The following NRCAM variants were observed in gnomAD, a reference collection of about 807,000 sequenced individuals.
NRCAM encodes NgCAM-related cell adhesion molecule.
A neutral mutation model predicts 156.5 loss-of-function variants in NRCAM; 83 were observed. The observed-to-expected ratio is 0.53, with a 90% CI of 0.44 to 0.64. The LOEUF (loss-of-function observed/expected upper bound fraction) is 0.64, where lower values mean the gene tolerates loss of function less well. NRCAM is among the 30% of genes least tolerant of loss of function. The pLI is 0.00. For missense variants in NRCAM, 1,417 were observed against 1,597.3 expected (o/e 0.89, Z 1.92); for synonymous variants, 538 against 563.9 (o/e 0.95, Z 0.65).
At chr7:108,268,644 GC>G (rs1180152803) in intron 3 of NRCAM, among the ~76,000 whole-genome samples, 24 of 129,880 alleles carry the variant, frequency 1.8e-4, no homozygotes, top group East Asian at 8.1e-4. Flanking sequence ...GTTGGGGGGG[GC>G]GGCGGTGGCG....
rs1354345934 is a variant in NRCAM at position 108,258,816 on chromosome 7, C to T, written c.-106-18646G>A. On this transcript the variant is annotated intron_variant, in intron 3 of 32. Transcript: ENST00000379028. The stretch of plus-strand genomic sequence containing the variant: ...TCTGATGTCCATGTTCACTGTTGTT[C>T]TCTCGACCCAGTCTGCTTTCTCCAC... Among the ~76,000 whole-genome samples, 5 of 152,204 alleles carry T rather than the reference C, an allele frequency of 3.3e-5. 1 individual carries two copies. The highest frequency in any genetic ancestry group is 4.1e-4 in the South Asian group (2 of 4,834).
intron 2 of NRCAM, among the ~76,000 whole-genome samples, chr7:108,357,396 C>T (rs546713076): frequency 2.7e-4 from 40 of 149,912 alleles, no homozygotes; most frequent in African/African-American, 9.6e-4. Flanking sequence ...TGCAATGGCA[C>T]GATCTCATCT....
At position 108,437,572 on chromosome 7, in the gene NRCAM, G is replaced by A. The variant is rs774199000; in HGVS notation, c.-332+18671C>T. On this transcript the variant is annotated intron_variant, in intron 1 of 32. Coordinates refer to ENST00000379028, the MANE Select transcript of NRCAM (RefSeq NM_001037132.4). ...AACTATACACACCTACTATGTAGCC[G>A]CAAAAATTAAAAATTTAAAAACAAA... Among the ~76,000 whole-genome samples, 7 of 151,906 alleles carry A rather than the reference G, an allele frequency of 4.6e-5. No homozygotes were observed. In the East Asian group the frequency reaches 7.7e-4, roughly 17 times the overall value.
chr7:108,335,452 T>TTTTTTA (rs2099171339), intron 2 of NRCAM, among the ~76,000 whole-genome samples: 1 of 145,558 alleles, frequency 6.9e-6, no homozygotes, highest in Non-Finnish European at 1.5e-5. Flanking sequence ...TTTTTTTTTT[T>TTTTTTA]TTTTTTTCAG....
At position 108,279,261 on chromosome 7, in the gene NRCAM, T is replaced by G. The variant is rs1591488226; in HGVS notation, c.-107+33404A>C. Among the ~76,000 whole-genome samples the G allele has an allele frequency of 2.0e-5, 3 of 152,316 alleles. No individual in the cohort carries two copies. The South Asian group carries it at 6.2e-4, about 32-fold the overall frequency. On this transcript the variant is annotated intron_variant, in intron 3 of 32. Coordinates refer to ENST00000379028, the MANE Select transcript of NRCAM (RefSeq NM_001037132.4). ...TGAGATTAATAATAGTTTTATCAATTTTATTTCCTTTGTTTTTATTTCCTG... is the reference window on the plus strand; with the variant it reads ...TGAGATTAATAATAGTTTTATCAATGTTATTTCCTTTGTTTTTATTTCCTG...
chr7:108,391,997 G>C (rs186157581), intron 2 of NRCAM, among the ~76,000 whole-genome samples: 24 of 152,298 alleles, frequency 1.6e-4, no homozygotes, highest in African/African-American at 5.5e-4. Context: ...CTCTCTGGCT[G>C]CCCTTAACCT....
At chr7:108,313,864 ACAACT>A (rs1171821840) in intron 2 of NRCAM, among the ~76,000 whole-genome samples, 8 of 152,336 alleles carry the variant, frequency 5.3e-5, no homozygotes, top group Admixed American at 2.6e-4. Context: ...ATCTACAATA[ACAACT>A]CAATTCAGCA....
Position 108,149,934 on chromosome 7 carries a change from G to A in NRCAM, c.3891C>T (p.Val1297=). The part of the protein sequence containing the change: ...GNESSEAPSP[V]NAMNSFV ...ATTAAACAAAGGAATTCATGGCGTT[G>A]ACAGGAGAAGGTGCCTCTGAGCTTT... The change falls in exon 33 of 33, where the codon GTC becomes GTT. Residue 1297 remains valine, a synonymous_variant. Transcript: ENST00000379028. 6.2e-7 allele frequency: 1 copy of A among 1,611,214 alleles called. No individual in the cohort carries two copies. Among genetic ancestry groups the A allele is most frequent in the Non-Finnish European group, 8.5e-7 (1 of 1,179,228 alleles).
intron 1 of NRCAM, among the ~76,000 whole-genome samples, chr7:108,444,377 T>C (rs1842173313): frequency 6.6e-6 from 1 of 152,020 alleles, no homozygotes; most frequent in Non-Finnish European, 1.5e-5. Context: ...TTCTCTTTTT[T>C]TTTGGTAAGA....
intron 11 of NRCAM, among the ~76,000 whole-genome samples, chr7:108,217,385 G>C (rs2089830792): frequency 6.6e-6 from 1 of 152,228 alleles, no homozygotes; most frequent in Non-Finnish European, 1.5e-5. Flanking sequence ...TCCCAGTCAG[G>C]AGGCACGGGG....
chr7:108,274,204 G>A (rs1415333694), intron 3 of NRCAM, among the ~76,000 whole-genome samples: 1 of 152,146 alleles, frequency 6.6e-6, no homozygotes, highest in East Asian at 1.9e-4. Context: ...TTTTGCTTAG[G>A]ATTGTCTTGG....
chr7:108,263,128 C>T (rs1231275022), intron 3 of NRCAM, among the ~76,000 whole-genome samples: 1 of 152,202 alleles, frequency 6.6e-6, no homozygotes, highest in Non-Finnish European at 1.5e-5. Flanking sequence ...CTACGGCCCC[C>T]ACAGGAACCA....
At chr7:108,199,818 A>G (rs2077006475) in intron 13 of NRCAM, among the ~76,000 whole-genome samples, 1 of 152,174 alleles carries the variant, frequency 6.6e-6, no homozygotes, top group South Asian at 2.1e-4. Context: ...CATAGTTTCT[A>G]GGGATTGGGA....
intron 1 of NRCAM, among the ~76,000 whole-genome samples, chr7:108,421,872 G>A (rs1179230725): frequency 6.6e-6 from 1 of 152,216 alleles, no homozygotes; most frequent in Non-Finnish European, 1.5e-5. Context: ...GACCTGCCCT[G>A]TGGAGATTAA....
At position 108,252,525 on chromosome 7, in the gene NRCAM, A is replaced by G. The variant is rs1452882675; in HGVS notation, c.-106-12355T>C. On this transcript the variant is annotated intron_variant, in intron 3 of 32. Transcript: ENST00000379028. ...TTCTATTCTATTCACATGTACTCCC[A>G]AACCTAAAATAAAAGTTAAAAAAAT... Among the ~76,000 whole-genome samples the G allele has an allele frequency of 2.0e-5, 3 of 152,338 alleles. No individual in the cohort carries two copies. The East Asian group carries it at 5.8e-4, about 29-fold the overall frequency.
At chr7:108,350,482 TA>T (rs1401579852) in intron 2 of NRCAM, among the ~76,000 whole-genome samples, 3 of 152,234 alleles carry the variant, frequency 2.0e-5, no homozygotes, top group African/African-American at 7.2e-5. Context: ...GCAGTTTGTA[TA>T]TAAATATCCC....
At chr7:108,444,799 T>TG (rs1165955167) in intron 1 of NRCAM, among the ~76,000 whole-genome samples, 3 of 152,206 alleles carry the variant, frequency 2.0e-5, no homozygotes, top group Non-Finnish European at 4.4e-5. Flanking sequence ...TCTCAGGCAC[T>TG]GGGGGTTGAG....
intron 28 of NRCAM, among the ~76,000 whole-genome samples, chr7:108,172,530 A>C (rs2058855379): frequency 6.6e-6 from 1 of 152,150 alleles, no homozygotes; most frequent in South Asian, 2.1e-4. Context: ...TCCTGACCTC[A>C]AGTGATCTGC....
At chr7:108,440,566 T>C (rs529404358) in intron 1 of NRCAM, among the ~76,000 whole-genome samples, 1 of 152,322 alleles carries the variant, frequency 6.6e-6, no homozygotes, top group Admixed American at 6.5e-5. Flanking sequence ...TCAGCTTTCT[T>C]AGTAATGAAT....
Sources: gnomAD v4.1 joint callset for allele counts (sites outside exome capture counted in the v4.1 genomes callset) on GRCh38, gnomAD v4.1.1 for gene constraint, MANE v1.5 for transcripts, NCBI Gene and HGNC (gene_info 2026-07-23, HGNC 2026-07-21) for gene names.